The following PKNOX2 variants were observed in gnomAD, a reference collection of about 807,000 sequenced individuals.
PKNOX2 encodes the protein homeobox protein PKNOX2.
Under a neutral mutation model 53.1 loss-of-function variants are expected in PKNOX2, and 14 were observed. The observed-to-expected ratio is 0.26, with a 90% CI of 0.17 to 0.41. PKNOX2 has a LOEUF of 0.41. Among genes scored for constraint, PKNOX2 ranks in the 10% least tolerant of loss-of-function variants. The probability of loss-of-function intolerance (pLI) is 1.00; values close to 1 mark genes in which losing one functional copy is unlikely to be tolerated. For synonymous variants in PKNOX2, 257 were observed against 242.8 expected (o/e 1.06, Z -0.54); for missense variants, 496 against 602.8 (o/e 0.82, Z 1.85).
intron 1 of PKNOX2, among the ~76,000 whole-genome samples, chr11:125,222,623 ATGTGTGTGTGTATGTGTGTGCGTATG>A (rs1941275296): frequency 7.9e-6 from 1 of 125,986 alleles, no homozygotes; most frequent in African/African-American, 3.4e-5. Flanking sequence ...ATGTGTGTGT[ATGTGTGTGTGTATGTGTGTGCGTATG>A]TGTGTGCTGT....
intron 1 of PKNOX2, among the ~76,000 whole-genome samples, chr11:125,230,288 C>A (rs61912977): frequency 0.13 from 19,176 of 152,260 alleles, 1,429 homozygotes; most frequent in Non-Finnish European, 0.17. Context: ...AATTACATAA[C>A]TATTGTGTCA....
chr11:125,368,022 C>A, intron 5 of PKNOX2, 37 bp downstream of exon 5: 1 of 1,593,200 alleles, frequency 6.3e-7, no homozygotes, highest in Non-Finnish European at 8.5e-7. Flanking sequence ...AGCCCTCAAC[C>A]AGCTTCAGGC....
At chr11:125,322,077 C>T (rs1215811044) in intron 2 of PKNOX2, among the ~76,000 whole-genome samples, 1 of 152,150 alleles carries the variant, frequency 6.6e-6, no homozygotes. Context: ...TGGAGAGGCA[C>T]ATTCAGACCA....
chr11:125,384,753 C>T (rs780625704), intron 5 of PKNOX2, among the ~76,000 whole-genome samples: 4 of 152,086 alleles, frequency 2.6e-5, no homozygotes, highest in Non-Finnish European at 4.4e-5. Flanking sequence ...TGTCATAGAA[C>T]CCCCCGCCCC....
chr11:125,411,514 C>CG, intron 9 of PKNOX2: 1 of 494,884 alleles, frequency 2.0e-6, no homozygotes, highest in Non-Finnish European at 3.7e-6. Context: ...CTCTCTCCCC[C>CG]CCTTCCCCAT....
At chr11:125,172,642 A>G (rs1286609475) in intron 1 of PKNOX2, among the ~76,000 whole-genome samples, 1 of 152,088 alleles carries the variant, frequency 6.6e-6, no homozygotes, top group Non-Finnish European at 1.5e-5. Flanking sequence ...AGGAGCTTGA[A>G]CTTGCTCTCA....
At chr11:125,359,589 G>A (rs904329062) in intron 4 of PKNOX2, among the ~76,000 whole-genome samples, 1 of 152,202 alleles carries the variant, frequency 6.6e-6, no homozygotes, top group African/African-American at 2.4e-5. Context: ...ATTAAGGCCA[G>A]ACTTGATGTT....
At chr11:125,390,316 C>T (rs1565514071) in intron 6 of PKNOX2, among the ~76,000 whole-genome samples, 1 of 152,312 alleles carries the variant, frequency 6.6e-6, no homozygotes, top group East Asian at 1.9e-4. Context: ...TGGTCCATGG[C>T]CCAGGCAGGA....
At chr11:125,330,789 G>A (rs571684628) in intron 2 of PKNOX2, among the ~76,000 whole-genome samples, 15 of 151,332 alleles carry the variant, frequency 9.9e-5, no homozygotes, top group East Asian at 9.6e-4. Context: ...TGCAGCTCCC[G>A]GCCTGGCCCA....
chr11:125,359,549 A>C (rs1951811111), intron 4 of PKNOX2, among the ~76,000 whole-genome samples: 1 of 152,054 alleles, frequency 6.6e-6, no homozygotes, highest in South Asian at 2.1e-4. Context: ...GCCCCCCAAC[A>C]ATGTTCATGT....
intron 1 of PKNOX2, among the ~76,000 whole-genome samples, chr11:125,203,839 G>A (rs543548624): frequency 2.7e-4 from 41 of 152,144 alleles, no homozygotes; most frequent in Admixed American, 7.9e-4. Flanking sequence ...CCGAAGCAAT[G>A]GGTAAAACTC....
chr11:125,234,148 C>T (rs1158481507), intron 1 of PKNOX2, among the ~76,000 whole-genome samples: 1 of 152,198 alleles, frequency 6.6e-6, no homozygotes, highest in Non-Finnish European at 1.5e-5. Context: ...CATTCAAATT[C>T]CACCTCCTCA....
chr11:125,278,833 C>T (rs1946357039), intron 2 of PKNOX2, among the ~76,000 whole-genome samples: 1 of 152,176 alleles, frequency 6.6e-6, no homozygotes, highest in South Asian at 2.1e-4. Flanking sequence ...CCAGAGAGGT[C>T]ACATAACTTG....
intron 3 of PKNOX2, among the ~76,000 whole-genome samples, chr11:125,338,067 G>A (rs567661693): frequency 1.3e-5 from 2 of 152,300 alleles, no homozygotes; most frequent in South Asian, 2.1e-4. Flanking sequence ...GCAGCAGCTG[G>A]CTTCTCACTG....
chr11:125,395,214 C>G (rs1214568916), intron 6 of PKNOX2, among the ~76,000 whole-genome samples: 1 of 152,154 alleles, frequency 6.6e-6, no homozygotes, highest in African/African-American at 2.4e-5. Flanking sequence ...GGAAAATTCC[C>G]TTGCAATCTA....
chr11:125,298,689 T>TGATG (rs1215124566), intron 2 of PKNOX2, among the ~76,000 whole-genome samples: 3 of 152,066 alleles, frequency 2.0e-5, no homozygotes, highest in African/African-American at 7.2e-5. Flanking sequence ...ATGAATGAAT[T>TGATG]GATGGATGGA....
At chr11:125,192,470 T>C (rs1335645470) in intron 1 of PKNOX2, among the ~76,000 whole-genome samples, 2 of 152,218 alleles carry the variant, frequency 1.3e-5, no homozygotes, top group East Asian at 1.9e-4. Context: ...TCATAAATGA[T>C]GTCCTTTAAC....
intron 12 of PKNOX2, among the ~76,000 whole-genome samples, chr11:125,430,922 C>A (rs933045962): frequency 6.6e-6 from 1 of 152,178 alleles, no homozygotes; most frequent in Admixed American, 6.5e-5. Context: ...GTGGCCAACA[C>A]ATAAAGAAAA....
chr11:125,400,402 T>A (rs914333285), intron 7 of PKNOX2, among the ~76,000 whole-genome samples: 2 of 152,190 alleles, frequency 1.3e-5, no homozygotes, highest in African/African-American at 4.8e-5. Flanking sequence ...CTTAAGCTTC[T>A]GCTGCTGGAT....
Sources: allele counts gnomAD v4.1 joint callset (sites outside exome capture counted in the v4.1 genomes callset), GRCh38; gene constraint gnomAD v4.1.1; transcripts MANE v1.5; gene names NCBI Gene and HGNC (gene_info 2026-07-23, HGNC 2026-07-21).